Variants in SLC2A8 observed in about 807,000 individuals in gnomAD.
The protein encoded by SLC2A8 is solute carrier family 2 member 8.
Under a neutral mutation model 49.2 loss-of-function variants are expected in SLC2A8, and 53 were observed. The ratio of observed to expected loss-of-function variants is 1.08; its 90% CI spans 0.86 to 1.35. The LOEUF (loss-of-function observed/expected upper bound fraction) is 1.35. Ranked by LOEUF, SLC2A8 falls within the 40% of genes most tolerant of loss-of-function variation. The pLI, the probability that SLC2A8 is intolerant of heterozygous loss-of-function variation, is 0.00. For missense variants in SLC2A8, 688 were observed against 671.7 expected (o/e 1.02, Z -0.27); for synonymous variants, 299 against 297.0 (o/e 1.01, Z -0.07).
In SLC2A8 at chr9:127,398,254, CG is replaced by C. The variant is rs563047960; in HGVS notation, c.426+145del. On this transcript the variant is annotated intron_variant, in intron 3 of 9. Coordinates refer to ENST00000373371, the MANE Select transcript of SLC2A8 (RefSeq NM_014580.5). Reference sequence around the variant, plus strand: ...GGCTTGAAGTCCCTGCGTTATCTCGCGGTCCCTCCCGTCGACCCTGGGAAGG... The same window carrying C: ...GGCTTGAAGTCCCTGCGTTATCTCGCGTCCCTCCCGTCGACCCTGGGAAGG... 1.8e-4 allele frequency: 159 copies of C among 871,128 alleles called. No individual in the cohort carries two copies. The African/African-American group carries it at 2.0e-3, about 11-fold the overall frequency. The allele number at this position is 871,128 out of a possible 1,614,324, so 54.0% of individuals were successfully genotyped here.
rs752054667 is a variant in SLC2A8 at position 127,405,030 on chromosome 9, G to A, written c.1150+39G>A. The A allele has an allele frequency of 1.5e-5, 23 of 1,575,560 alleles. No individual in the cohort carries two copies. In the East Asian group the frequency reaches 5.2e-4, roughly 36 times the overall value. On this transcript the variant is annotated intron_variant, in intron 8 of 9. Transcript: ENST00000373371. The stretch of plus-strand genomic sequence containing the variant: ...TGGGAGGCTGGGCGAGGAGTGGGAG[G>A]TGATCCCCCCGGCCCTGCTGTGGCG...
At chr9:127,401,816 C>A (rs2131891324) in intron 4 of SLC2A8, among the ~76,000 whole-genome samples, 1 of 152,306 alleles carries the variant, frequency 6.6e-6, no homozygotes, top group East Asian at 1.9e-4. Context: ...ATAGGGACAT[C>A]ATGGCTACCT....
chr9:127,402,373 G>A, intron 4 of SLC2A8, 184 bp from the exon 5 acceptor site: 2 of 902,476 alleles, frequency 2.2e-6, no homozygotes, highest in Non-Finnish European at 1.6e-6. Flanking sequence ...CGCAGCTGGT[G>A]TGATTGGCCC....
chr9:127,398,989 A>G (rs1324728821), intron 3 of SLC2A8, among the ~76,000 whole-genome samples: 1 of 152,254 alleles, frequency 6.6e-6, no homozygotes, highest in Non-Finnish European at 1.5e-5. Flanking sequence ...AGGGTGGGGA[A>G]GAAGCTGGGC....
At chr9:127,404,685 C>T (rs2131907032) in intron 7 of SLC2A8, 133 bp from the exon 8 acceptor site, 2 of 1,081,242 alleles carry the variant, frequency 1.8e-6, no homozygotes, top group Non-Finnish European at 2.6e-6. Context: ...GCTTCTGCGG[C>T]CAAGGTGCCA....
chr9:127,402,317 G>A (rs929651123), intron 4 of SLC2A8: 16 of 475,640 alleles, frequency 3.4e-5, no homozygotes, highest in Admixed American at 3.9e-5. Flanking sequence ...TTCGTTGAAC[G>A]GATGCAGCCT....
chr9:127,397,398 T>G lies in SLC2A8; in HGVS notation c.79T>G (p.Phe27Val). The change falls in exon 2 of 10, where the codon TTC (phenylalanine) becomes GTC (valine). Residue 27 changes from phenylalanine to valine, a missense_variant. Coordinates refer to ENST00000373371, the MANE Select transcript of SLC2A8 (RefSeq NM_014580.5). ...GGSAPRGRRVFLAAFAAALGP... is the reference protein window; with the variant it reads ...GGSAPRGRRVVLAAFAAALGP... ...CAGCGCGCCCCGCGGCCGCCGCGTC[T>G]TCCTCGCCGCCTTCGCCGCTGCCCT... is the stretch of plus-strand genomic sequence containing the variant. The G allele has an allele frequency of 2.0e-6, 3 of 1,472,150 alleles. No homozygotes were observed. The South Asian group carries it at 3.9e-5, about 19-fold the overall frequency. 91.2% of individuals were successfully genotyped at this position (1,472,150 alleles called of 1,614,324 possible). A position where few individuals can be genotyped will look rare whatever the true frequency, so the allele number is the denominator to read the frequency against.
Position 127,397,401 on chromosome 9 carries a change from CTCGCCGCCT to C in SLC2A8, c.90_98del (p.Phe31_Ala33del), listed in dbSNP as rs1338268126. ...CGCGCCCCGCGGCCGCCGCGTCTTC[CTCGCCGCCT>C]TCGCCGCTGCCCTGGGCCCACTCAG... On this transcript the variant is annotated inframe_deletion, in exon 2 of 10. Transcript: ENST00000373371. 2 of 1,473,198 alleles carry C rather than the reference CTCGCCGCCT, an allele frequency of 1.4e-6. No individual in the cohort carries two copies. The highest frequency in any genetic ancestry group is 2.9e-5 in the African/African-American group (2 of 67,898). The allele number at this position is 1,473,198 out of a possible 1,614,324, so 91.3% of individuals were successfully genotyped here.
rs1462920078 is a variant in SLC2A8 at position 127,397,189 on chromosome 9, G to A, written c.-42G>A. 6.2e-6 allele frequency: 9 copies of A among 1,443,446 alleles called. No individual in the cohort carries two copies. The highest frequency in any genetic ancestry group is 8.1e-6 in the Non-Finnish European group (9 of 1,107,020). The allele number at this position is 1,443,446 out of a possible 1,614,324, so 89.4% of individuals were successfully genotyped here. Reference sequence around the variant, plus strand: ...GGGCCGCACTCGCAGGGCCCGTGGCGGTTCAGGCGCCAGAGCTGGCCGATC... The same window carrying A: ...GGGCCGCACTCGCAGGGCCCGTGGCAGTTCAGGCGCCAGAGCTGGCCGATC... On this transcript the variant is annotated 5_prime_UTR_variant, in exon 1 of 10. Coordinates refer to ENST00000373371, the MANE Select transcript of SLC2A8 (RefSeq NM_014580.5).
chr9:127,402,698 G>A lies in SLC2A8; in HGVS notation c.668G>A (p.Arg223Gln), dbSNP rs774122472. 1.1e-5 allele frequency: 17 copies of A among 1,564,474 alleles called. No individual in the cohort carries two copies. Among genetic ancestry groups the A allele is most frequent in the South Asian group, 4.7e-5 (4 of 85,216 alleles). Residue 223 changes from arginine to glutamine, a missense_variant, in exon 5 of 10, where the codon CGG (arginine) becomes CAG (glutamine). Coordinates refer to ENST00000373371, the MANE Select transcript of SLC2A8 (RefSeq NM_014580.5). The stretch of plus-strand genomic sequence containing the variant: ...CGCCAGGAGGCCATGGCCGCCCTGC[G>A]GTTCCTGTGGGGCTCCGAGCAGGGC... ...HRRQEAMAALRFLWGSEQGWE... is the reference protein window; with the variant it reads ...HRRQEAMAALQFLWGSEQGWE...
chr9:127,406,443 C>T (rs1483004509), intron 9 of SLC2A8, among the ~76,000 whole-genome samples: 1 of 151,924 alleles, frequency 6.6e-6, no homozygotes, highest in African/African-American at 2.4e-5. Flanking sequence ...GGAGGGGATG[C>T]GCAGCAAAGG....
At position 127,397,905 on chromosome 9, in the gene SLC2A8, G is replaced by T. The variant is rs1048003809; in HGVS notation, c.220G>T (p.Ala74Ser). ...CTCCTCAGCAGCCGCCCGCCTCCAG[G>T]CTGTCGTGACCCTGGGTGCCGCGGC... ...LDDAAASWFGAVVTLGAAAGG... is the reference protein window; with the variant it reads ...LDDAAASWFGSVVTLGAAAGG... The change falls in exon 3 of 10, where the codon GCT (alanine) becomes TCT (serine). Residue 74 changes from alanine (A) to serine (S), a missense_variant and splice_region_variant. Ala to Ser is a moderately conservative substitution (Grantham distance 99). Coordinates refer to ENST00000373371, the MANE Select transcript of SLC2A8 (RefSeq NM_014580.5). 2 of 1,518,094 alleles carry T rather than the reference G, an allele frequency of 1.3e-6. No individual in the cohort carries two copies. The highest frequency in any genetic ancestry group is 2.3e-4 in the Middle Eastern group (1 of 4,362). 94.0% of individuals were successfully genotyped at this position (1,518,094 alleles called of 1,614,324 possible). A position where few individuals can be genotyped will look rare whatever the true frequency, so the allele number is the denominator to read the frequency against.
rs533340722 is a variant in SLC2A8, at chr9:127,407,466, A to G, written c.*217A>G. 7.6e-5 allele frequency: 53 copies of G among 692,858 alleles called. No homozygotes were observed. The East Asian group carries it at 1.6e-3, about 20-fold the overall frequency. The allele number at this position is 692,858 out of a possible 1,614,324, so 42.9% of individuals were successfully genotyped here. A position where few individuals can be genotyped will look rare whatever the true frequency, so the allele number is the denominator to read the frequency against. On this transcript the variant is annotated 3_prime_UTR_variant, in exon 10 of 10. Coordinates refer to ENST00000373371, the MANE Select transcript of SLC2A8 (RefSeq NM_014580.5). ...GCTGCTGCTCTGAGGACTCAGGAAC[A>G]CCTTCGAGCTTTGCAGACCTGCGGT...
At chr9:127,398,622 C>T (rs1237423261) in intron 3 of SLC2A8, among the ~76,000 whole-genome samples, 1 of 152,214 alleles carries the variant, frequency 6.6e-6, no homozygotes, top group African/African-American at 2.4e-5. Flanking sequence ...TTCCCCCTTT[C>T]CCCCTCCTGA....
intron 7 of SLC2A8, chr9:127,404,410 C>G (rs1048132829): frequency 6.1e-6 from 2 of 327,860 alleles, no homozygotes; most frequent in Admixed American, 4.6e-5. Context: ...TCAGTCTCCC[C>G]CTCTGGGAAG....
chr9:127,405,206 G>A (rs549867459), intron 8 of SLC2A8, among the ~76,000 whole-genome samples: 25 of 152,312 alleles, frequency 1.6e-4, no homozygotes, highest in Admixed American at 1.4e-3. Flanking sequence ...AGCAGGCCCC[G>A]TTGTGACCCC....
chr9:127,398,455 A>G, intron 3 of SLC2A8: 1 of 593,390 alleles, frequency 1.7e-6, no homozygotes, highest in South Asian at 1.5e-5. Context: ...GATGATCCAC[A>G]GGAGCCCACT....
At chr9:127,397,804 G>C in intron 2 of SLC2A8, 101 bp from the exon 3 acceptor site, 1 of 1,272,750 alleles carries the variant, frequency 7.9e-7, no homozygotes, top group Non-Finnish European at 1.0e-6. Context: ...GGACGGGCGC[G>C]GGGCCCCGGC....
intron 3 of SLC2A8, chr9:127,398,445 G>A: frequency 1.6e-6 from 1 of 638,338 alleles, no homozygotes; most frequent in Non-Finnish European, 3.0e-6. Context: ...CAAACCTGCG[G>A]ATGATCCACA....
Sources: allele counts gnomAD v4.1 joint callset (sites outside exome capture counted in the v4.1 genomes callset), GRCh38; gene constraint gnomAD v4.1.1; transcripts MANE v1.5; gene names NCBI Gene and HGNC (gene_info 2026-07-23, HGNC 2026-07-21).